Variants in CTNNA2 observed in about 807,000 individuals in gnomAD.
CTNNA2 encodes the protein catenin alpha-2.
CTNNA2 carries 42 observed loss-of-function variants against 101.0 expected under a neutral mutation model. That is an observed-to-expected ratio of 0.42 (90% CI 0.32 to 0.54). The LOEUF is 0.54. Among genes scored for constraint, CTNNA2 ranks in the 20% least tolerant of loss-of-function variants. The pLI is 0.14. For synonymous variants in CTNNA2, 450 were observed against 456.4 expected (o/e 0.99, Z 0.18); for missense variants, 871 against 1,223.1 (o/e 0.71, Z 4.29).
At chr2:80,337,134 T>A (rs1379139382) in intron 7 of CTNNA2, among the ~76,000 whole-genome samples, 3 of 152,068 alleles carry the variant, frequency 2.0e-5, no homozygotes, top group Admixed American at 1.3e-4. Flanking sequence ...GGTGGGCAGA[T>A]CACGAGGTCA....
rs535083023 is a variant in CTNNA2, at chr2:80,052,606, AC to A, written c.1056+142810del. Among the ~76,000 whole-genome samples, 714 of 152,316 alleles carry A rather than the reference AC, an allele frequency of 4.7e-3. 5 individuals carry two copies. The highest frequency in any genetic ancestry group is 7.2e-3 in the Non-Finnish European group (492 of 68,038). ...ATAGTGTGTTGGTGAAGCTCTTCTT[AC>A]TTCAAATAGAGTAAAACTTAAGTGT... On this transcript the variant is annotated intron_variant, in intron 7 of 18. Coordinates refer to ENST00000402739, the MANE Select transcript of CTNNA2 (RefSeq NM_001282597.3).
rs184368251 is a variant in CTNNA2 at position 80,283,878 on chromosome 2, T to G, written c.1057-109333T>G. Among the ~76,000 whole-genome samples, 1,005 of 151,526 alleles carry G rather than the reference T, an allele frequency of 6.6e-3. 6 individuals are homozygous for G. The highest frequency in any genetic ancestry group is 9.9e-3 in the Non-Finnish European group (668 of 67,796). On this transcript the variant is annotated intron_variant, in intron 7 of 18. Transcript: ENST00000402739. ...AGGAAGAGATAAGAAAGAAAGGGGA[T>G]AGGAGGAGAGGGAGAAGGAGGAGGG...
intron 2 of CTNNA2, among the ~76,000 whole-genome samples, chr2:79,679,150 G>A (rs1407822388): frequency 6.6e-6 from 1 of 152,152 alleles, no homozygotes; most frequent in African/African-American, 2.4e-5. Context: ...GCCTCCTAGA[G>A]CATTCACTGT....
intron 7 of CTNNA2, among the ~76,000 whole-genome samples, chr2:80,322,082 G>A (rs1221014861): frequency 1.3e-5 from 2 of 152,180 alleles, no homozygotes; most frequent in South Asian, 2.1e-4. Context: ...TTCCTGGTAT[G>A]TGTAGAATTT....
chr2:79,303,400 C>G (rs1031400663), intron 2 of CTNNA2, among the ~76,000 whole-genome samples: 3 of 152,152 alleles, frequency 2.0e-5, no homozygotes, highest in African/African-American at 7.2e-5. Flanking sequence ...GTCTTGAAGT[C>G]TCTACTGGGA....
In CTNNA2 at chr2:79,986,999, G is replaced by C. The variant is rs139357806; in HGVS notation, c.1056+77202G>C. 3.2e-4 allele frequency among the ~76,000 whole-genome samples: 49 copies of C among 152,312 alleles called. No individual in the cohort carries two copies. The East Asian group carries it at 7.9e-3, about 25-fold the overall frequency. ...TGCTGCCTCAAGGTGGAAGTGTCTGGGGGTTGATTGGGCCTGTGGATGCTT... is the reference window on the plus strand; with the variant it reads ...TGCTGCCTCAAGGTGGAAGTGTCTGCGGGTTGATTGGGCCTGTGGATGCTT... On this transcript the variant is annotated intron_variant, in intron 7 of 18. Transcript: ENST00000402739.
chr2:79,352,927 A>G (rs1299909940), intron 3 of CTNNA2, among the ~76,000 whole-genome samples: 3 of 152,182 alleles, frequency 2.0e-5, no homozygotes, highest in Non-Finnish European at 2.9e-5. Context: ...AAGCAGTCCT[A>G]TATTCAAATG....
intron 3 of CTNNA2, among the ~76,000 whole-genome samples, chr2:79,357,151 G>C (rs919646633): frequency 6.6e-6 from 1 of 152,024 alleles, no homozygotes; most frequent in African/African-American, 2.4e-5. Context: ...ACATAGCAAG[G>C]CCTCATCTGT....
chr2:79,276,115 G>T (rs1323204201), intron 2 of CTNNA2, among the ~76,000 whole-genome samples: 1 of 152,060 alleles, frequency 6.6e-6, no homozygotes, highest in Non-Finnish European at 1.5e-5. Flanking sequence ...GCGCAAATAT[G>T]CAAGAATGTT....
At chr2:80,531,268 TG>T (rs1284753819) in intron 9 of CTNNA2, among the ~76,000 whole-genome samples, 2 of 152,190 alleles carry the variant, frequency 1.3e-5, no homozygotes, top group African/African-American at 4.8e-5. Flanking sequence ...ACCATTGCAG[TG>T]GCCAGACCAG....
At chr2:79,670,879 T>C (rs1219529520) in intron 2 of CTNNA2, among the ~76,000 whole-genome samples, 1 of 152,210 alleles carries the variant, frequency 6.6e-6, no homozygotes, top group Non-Finnish European at 1.5e-5. Context: ...GCTTTGTAGT[T>C]CATGTTTCCT....
At chr2:80,159,176 G>C (rs1240089714) in intron 7 of CTNNA2, among the ~76,000 whole-genome samples, 2 of 152,150 alleles carry the variant, frequency 1.3e-5, no homozygotes, top group Non-Finnish European at 2.9e-5. Context: ...TGCATGTTTA[G>C]TTTTTAGTTT....
chr2:79,804,167 T>A (rs1676381813), intron 3 of CTNNA2, among the ~76,000 whole-genome samples: 1 of 152,226 alleles, frequency 6.6e-6, no homozygotes, highest in Non-Finnish European at 1.5e-5. Flanking sequence ...CACACCTATT[T>A]TTTTCAATAA....
intron 7 of CTNNA2, among the ~76,000 whole-genome samples, chr2:80,297,768 CA>C (rs1440492449): frequency 6.6e-6 from 1 of 152,078 alleles, no homozygotes; most frequent in Non-Finnish European, 1.5e-5. Flanking sequence ...ATAAGGAGCC[CA>C]GAAGTTCCCC....
chr2:79,212,167 A>G (rs12989851), intron 2 of CTNNA2, among the ~76,000 whole-genome samples: 32,403 of 152,054 alleles, frequency 0.21, 4,320 homozygotes, highest in African/African-American at 0.38. Context: ...CAGTTTGGGG[A>G]TAGCACCAGG....
intron 1 of CTNNA2, chr2:79,649,281 T>C (rs1388459234): frequency 6.5e-6 from 1 of 154,766 alleles, no homozygotes; most frequent in African/African-American, 2.4e-5. Context: ...GCCCATGTTA[T>C]AATGGAAATT....
intron 7 of CTNNA2, among the ~76,000 whole-genome samples, chr2:80,127,976 G>T (rs1346268683): frequency 1.3e-5 from 2 of 151,924 alleles, no homozygotes; most frequent in Non-Finnish European, 2.9e-5. Flanking sequence ...TCACTGACAT[G>T]TTTTGCAAAC....
intron 13 of CTNNA2, among the ~76,000 whole-genome samples, chr2:80,576,762 A>G (rs1334944066): frequency 1.4e-5 from 2 of 138,470 alleles, no homozygotes; most frequent in African/African-American, 2.7e-5. Context: ...CAGCCTGGCC[A>G]ACATGGTGAA....
intron 7 of CTNNA2, among the ~76,000 whole-genome samples, chr2:80,019,840 A>T (rs980637097): frequency 1.3e-5 from 2 of 152,210 alleles, no homozygotes; most frequent in Non-Finnish European, 2.9e-5. Context: ...TAACTAAGTG[A>T]TATATCTAAT....
Sources: gnomAD v4.1 joint callset for allele counts (sites outside exome capture counted in the v4.1 genomes callset) on GRCh38, gnomAD v4.1.1 for gene constraint, MANE v1.5 for transcripts, NCBI Gene and HGNC (gene_info 2026-07-23, HGNC 2026-07-21) for gene names.